The following DBR1 variants were observed in gnomAD, a reference collection of about 807,000 sequenced individuals.
DBR1 encodes debranching RNA lariats 1, also known as lariat debranching enzyme.
Under a neutral mutation model 45.9 loss-of-function variants are expected in DBR1, and 33 were observed. The ratio of observed to expected loss-of-function variants is 0.72; its 90% CI spans 0.55 to 0.96. The LOEUF (loss-of-function observed/expected upper bound fraction) is 0.96, where lower values mean the gene tolerates loss of function less well. DBR1 is among the 40% of genes least tolerant of loss of function. The pLI is 0.00. For missense variants in DBR1, 619 were observed against 667.4 expected (o/e 0.93, Z 0.80); for synonymous variants, 235 against 235.9 (o/e 1.00, Z 0.04).
chr3:138,171,708 C>T lies in DBR1; in HGVS notation c.328G>A (p.Ala110Thr). The change falls in exon 3 of 8, where the codon GCT becomes ACT. Residue 110 changes from alanine (A) to threonine (T), a missense_variant. Ala to Thr is a moderately conservative substitution (Grantham distance 58). Transcript: ENST00000260803. ...VAPNIYYLGLAGVVKYRGVRI... is the reference protein window; with the variant it reads ...VAPNIYYLGLTGVVKYRGVRI... ...ACACCTCGGTATTTTACCACACCAG[C>T]CAAACCTAAACAATACAGTTAAATA... 6.2e-7 allele frequency: 1 copy of T among 1,612,174 alleles called. No individual in the cohort carries two copies. Among genetic ancestry groups the T allele is most frequent in the African/African-American group, 1.3e-5 (1 of 74,964 alleles).
chr3:138,171,497 AAAAG>A, intron 3 of DBR1, 132 bp downstream of exon 3: 9 of 336,728 alleles, frequency 2.7e-5, no homozygotes, highest in South Asian at 8.8e-5. Flanking sequence ...AAAAAAAAAA[AAAAG>A]CAAAATACTA....
At chr3:138,170,709 A>G (rs1417919222) in intron 3 of DBR1, among the ~76,000 whole-genome samples, 2 of 152,236 alleles carry the variant, frequency 1.3e-5, no homozygotes. Context: ...AGTTACATTC[A>G]GGATGTAAGT....
rs778395037 is a variant in DBR1, at chr3:138,163,509, C to A, written c.796-15G>T. ...ATCTCTAATATCTACAGGATGAAAT[C>A]AATGTTAAGAAATACATATATATTT... is the stretch of plus-strand genomic sequence containing the variant. On this transcript the variant is annotated splice_polypyrimidine_tract_variant and intron_variant, in intron 6 of 7. Coordinates refer to ENST00000260803, the MANE Select transcript of DBR1 (RefSeq NM_016216.4). 6.6e-7 allele frequency: 1 copy of A among 1,517,812 alleles called. No homozygotes were observed. Among genetic ancestry groups the A allele is most frequent in the South Asian group, 1.3e-5 (1 of 77,940 alleles). 94.0% of individuals were successfully genotyped at this position (1,517,812 alleles called of 1,614,324 possible).
intron 5 of DBR1, 22 bp downstream of exon 5, chr3:138,167,059 G>T (rs746464874): frequency 1.2e-6 from 2 of 1,602,306 alleles, no homozygotes; most frequent in Non-Finnish European, 1.7e-6. Context: ...TTAAATGAAA[G>T]AATAAACATT....
At chr3:138,163,149 AC>A (rs1468540954) in intron 7 of DBR1, among the ~76,000 whole-genome samples, 199 bp downstream of exon 7, 8 of 152,116 alleles carry the variant, frequency 5.3e-5, no homozygotes, top group Non-Finnish European at 1.2e-4. Context: ...GGTCCCAGCT[AC>A]TCTGGGGGCA....
chr3:138,171,003 A>G (rs2042950979), intron 3 of DBR1, among the ~76,000 whole-genome samples: 1 of 152,214 alleles, frequency 6.6e-6, no homozygotes, highest in South Asian at 2.1e-4. Flanking sequence ...AAGTTCTTAC[A>G]TATGTGGTAA....
In DBR1 at chr3:138,161,809, G is replaced by A. The variant is rs2107900862; in HGVS notation, c.*80C>T. On this transcript the variant is annotated 3_prime_UTR_variant, in exon 8 of 8. Coordinates refer to ENST00000260803, the MANE Select transcript of DBR1 (RefSeq NM_016216.4). Reference sequence around the variant, plus strand: ...TGCGGTGAGCCGAGATCACGCCATTGCACTCCAGTCTAGGTGACAAGAGTG... The same window carrying A: ...TGCGGTGAGCCGAGATCACGCCATTACACTCCAGTCTAGGTGACAAGAGTG... 1 of 1,126,932 alleles carries A rather than the reference G, an allele frequency of 8.9e-7. No individual in the cohort carries two copies. The highest frequency in any genetic ancestry group is 2.4e-5 in the East Asian group (1 of 42,462). The allele number at this position is 1,126,932 out of a possible 1,614,324, so 69.8% of individuals were successfully genotyped here.
At chr3:138,172,584 G>A (rs1334459132) in intron 2 of DBR1, among the ~76,000 whole-genome samples, 1 of 152,136 alleles carries the variant, frequency 6.6e-6, no homozygotes, top group East Asian at 1.9e-4. Context: ...AACAGAACCA[G>A]ACCTTGTCTC....
rs1425625228 is a variant in DBR1 at position 138,174,637 on chromosome 3, G to A, written c.159C>T (p.Ala53=). The A allele has an allele frequency of 2.5e-6, 4 of 1,604,022 alleles. No individual in the cohort carries two copies. Among genetic ancestry groups the A allele is most frequent in the East Asian group, 2.2e-5 (1 of 44,560 alleles). The change falls in exon 1 of 8, where the codon GCC becomes GCT. Residue 53 remains alanine (A), a synonymous_variant. Coordinates refer to ENST00000260803, the MANE Select transcript of DBR1 (RefSeq NM_016216.4). ...GCATGTGACGATACTTGGGCGGCAC[G>A]GCCATGCAGCGTAGATCCGCCTCGT... ...VRNEADLRCM[A]VPPKYRHMQT...
chr3:138,161,115 T>C lies in DBR1; in HGVS notation c.*774A>G, dbSNP rs528486413. The C allele has an allele frequency of 5.3e-5, 8 of 152,234 alleles. No homozygotes were observed. Among genetic ancestry groups the C allele is most frequent in the African/African-American group, 1.7e-4 (7 of 41,558 alleles). 9.4% of individuals were successfully genotyped at this position (152,234 alleles called of 1,614,324 possible). ...AGCTGATCAGGAAAAATATTTATAA[T>C]AAATGAAAAGAAAGCATACATCATA... is the stretch of plus-strand genomic sequence containing the variant. On this transcript the variant is annotated 3_prime_UTR_variant, in exon 8 of 8. Transcript: ENST00000260803.
At chr3:138,168,905 T>C (rs2724725) in intron 4 of DBR1, among the ~76,000 whole-genome samples, 108,335 of 151,766 alleles carry the variant, frequency 0.71, 38,997 homozygotes, top group African/African-American at 0.8. Flanking sequence ...CTGCAGTGAG[T>C]CAAGCCATGA....
At position 138,161,641 on chromosome 3, in the gene DBR1, T is replaced by G; in HGVS notation, c.*248A>C. ...CAGGTGGATCGCCTGAGGTCAGGAG[T>G]TGGAGACCAGCCTGGCCAACACGGT... On this transcript the variant is annotated 3_prime_UTR_variant, in exon 8 of 8. Coordinates refer to ENST00000260803, the MANE Select transcript of DBR1 (RefSeq NM_016216.4). 1 of 390,472 alleles carries G rather than the reference T, an allele frequency of 2.6e-6. No homozygotes were observed. Among genetic ancestry groups the G allele is most frequent in the Non-Finnish European group, 4.8e-6 (1 of 209,282 alleles). The allele number at this position is 390,472 out of a possible 1,614,324, so 24.2% of individuals were successfully genotyped here.
intron 6 of DBR1, 40 bp from the exon 7 acceptor site, chr3:138,163,534 TG>T: frequency 8.1e-7 from 1 of 1,234,684 alleles, no homozygotes; most frequent in Non-Finnish European, 1.1e-6. Flanking sequence ...CATATATATT[TG>T]TAACAGTCTA....
chr3:138,173,494 T>A lies in DBR1; in HGVS notation c.322+8A>T. On this transcript the variant is annotated splice_region_variant and intron_variant, in intron 2 of 7. Transcript: ENST00000260803. ...GAAAAAAAAGTATCCACAAACACAA[T>A]CACATACCTAAATAATAAATGTTTG... The A allele has an allele frequency of 6.2e-7, 1 of 1,613,116 alleles. No individual in the cohort carries two copies. Among genetic ancestry groups the A allele is most frequent in the Non-Finnish European group, 8.5e-7 (1 of 1,179,476 alleles).
chr3:138,167,560 G>A (rs1015778150), intron 4 of DBR1, among the ~76,000 whole-genome samples: 5 of 152,206 alleles, frequency 3.3e-5, no homozygotes, highest in African/African-American at 1.2e-4. Flanking sequence ...AATGGAGACA[G>A]ACTCTGATTA....
chr3:138,173,087 C>CA (rs374615762), intron 2 of DBR1, among the ~76,000 whole-genome samples: 85,059 of 134,668 alleles, frequency 0.63, 26,230 homozygotes, highest in Middle Eastern at 0.71. Flanking sequence ...TCTCTTCCCA[C>CA]AAAAAAAAAA....
At chr3:138,173,125 T>C (rs2042962739) in intron 2 of DBR1, among the ~76,000 whole-genome samples, 1 of 149,812 alleles carries the variant, frequency 6.7e-6, no homozygotes, top group Non-Finnish European at 1.5e-5. Context: ...TGCAATATAA[T>C]AGTCGTTGAA....
At position 138,168,392 on chromosome 3, in the gene DBR1, C is replaced by T. The variant is rs1205069820; in HGVS notation, c.490-1087G>A. Reference sequence around the variant, plus strand: ...AAAATTAGCCGGGCGTGGTGGTGGGCGCCTGTAATCCCAGCTACTCAGGAG... The same window carrying T: ...AAAATTAGCCGGGCGTGGTGGTGGGTGCCTGTAATCCCAGCTACTCAGGAG... On this transcript the variant is annotated intron_variant, in intron 4 of 7. Transcript: ENST00000260803. Among the ~76,000 whole-genome samples, 5 of 150,410 alleles carry T rather than the reference C, an allele frequency of 3.3e-5. No individual in the cohort carries two copies. In the South Asian group the frequency reaches 8.4e-4, roughly 25 times the overall value.
chr3:138,173,087 C>CAA (rs374615762), intron 2 of DBR1, among the ~76,000 whole-genome samples: 1,898 of 134,706 alleles, frequency 0.014, 25 homozygotes, highest in African/African-American at 0.03. Flanking sequence ...TCTCTTCCCA[C>CAA]AAAAAAAAAA....
Sources: gnomAD v4.1 joint callset for allele counts (sites outside exome capture counted in the v4.1 genomes callset) on GRCh38, gnomAD v4.1.1 for gene constraint, MANE v1.5 for transcripts, NCBI Gene and HGNC (gene_info 2026-07-23, HGNC 2026-07-21) for gene names.